CNOT6: variants seen among roughly 807,000 people sequenced by gnomAD.
CNOT6 encodes the protein CCR4-NOT transcription complex subunit 6.
CNOT6 carries 12 observed loss-of-function variants against 61.2 expected under a neutral mutation model. The observed-to-expected ratio is 0.20, with a 90% confidence interval of 0.13 to 0.32. The LOEUF (loss-of-function observed/expected upper bound fraction) is 0.32. Ranked by LOEUF, CNOT6 falls within the 10% of genes least tolerant of loss-of-function variation. The probability of loss-of-function intolerance (pLI) is 1.00; values close to 1 mark genes in which losing one functional copy is unlikely to be tolerated. For synonymous variants in CNOT6, 225 were observed against 240.6 expected (o/e 0.94, Z 0.60); for missense variants, 405 against 663.9 (o/e 0.61, Z 4.28).
intron 4 of CNOT6, among the ~76,000 whole-genome samples, chr5:180,558,318 G>A (rs957810395): frequency 1.3e-5 from 2 of 152,078 alleles, no homozygotes; most frequent in Admixed American, 1.3e-4. Flanking sequence ...AACTGGAGGC[G>A]TGATGAATGG....
chr5:180,531,070 G>A (rs1758342322), intron 2 of CNOT6, among the ~76,000 whole-genome samples: 1 of 152,144 alleles, frequency 6.6e-6, no homozygotes, highest in South Asian at 2.1e-4. Flanking sequence ...CGTTCTCAAT[G>A]AGCTGTTGGG....
At chr5:180,561,176 C>T (rs1760164345) in intron 4 of CNOT6, among the ~76,000 whole-genome samples, 1 of 152,190 alleles carries the variant, frequency 6.6e-6, no homozygotes, top group African/African-American at 2.4e-5. Context: ...TGGTCTCGAA[C>T]TCCTGGCCTC....
At chr5:180,507,822 T>C (rs551165839) in intron 1 of CNOT6, among the ~76,000 whole-genome samples, 9 of 151,900 alleles carry the variant, frequency 5.9e-5, no homozygotes, top group Admixed American at 5.9e-4. Flanking sequence ...TGGAGGAAGG[T>C]GAAGGGGAAG....
chr5:180,553,889 TA>T (rs983051183), intron 4 of CNOT6, among the ~76,000 whole-genome samples: 16 of 152,308 alleles, frequency 1.1e-4, no homozygotes, highest in African/African-American at 3.8e-4. Context: ...TAAGCATATT[TA>T]AAAAAACTTG....
chr5:180,527,927 A>G (rs957375371), intron 1 of CNOT6, among the ~76,000 whole-genome samples: 29 of 152,166 alleles, frequency 1.9e-4, no homozygotes, highest in Admixed American at 1.6e-3. Context: ...CGAGGGACCT[A>G]GGCTGTGCGT....
chr5:180,570,242 C>T (rs1760677229), intron 10 of CNOT6, among the ~76,000 whole-genome samples: 1 of 152,178 alleles, frequency 6.6e-6, no homozygotes, highest in Non-Finnish European at 1.5e-5. Flanking sequence ...CCTGTAATCC[C>T]AGCTACTCGG....
At chr5:180,539,836 G>C (rs376367895) in intron 2 of CNOT6, among the ~76,000 whole-genome samples, 156 of 151,890 alleles carry the variant, frequency 1.0e-3, no homozygotes, top group African/African-American at 3.6e-3. Context: ...TGATCCGCCC[G>C]CCTCGGCCTC....
intron 11 of CNOT6, 31 bp from the exon 12 acceptor site, chr5:180,573,957 G>T (rs751626486): frequency 6.9e-7 from 1 of 1,442,284 alleles, no homozygotes. Context: ...TGTCTTATAC[G>T]GTGCTTATCT....
At chr5:180,521,441 T>C (rs1285618843) in intron 1 of CNOT6, among the ~76,000 whole-genome samples, 1 of 152,250 alleles carries the variant, frequency 6.6e-6, no homozygotes, top group East Asian at 1.9e-4. Flanking sequence ...ACAGCCTAGA[T>C]TTTGAATTAC....
chr5:180,543,168 C>T (rs1759131250), intron 2 of CNOT6, among the ~76,000 whole-genome samples: 1 of 152,140 alleles, frequency 6.6e-6, no homozygotes, highest in Non-Finnish European at 1.5e-5. Context: ...ACACCATTCT[C>T]CTGCCTCAGC....
intron 1 of CNOT6, among the ~76,000 whole-genome samples, chr5:180,527,364 CT>C (rs1399282851): frequency 3.3e-5 from 5 of 152,058 alleles, no homozygotes; most frequent in Admixed American, 6.6e-5. Context: ...GATATTTGGT[CT>C]TTTGTCATCT....
intron 2 of CNOT6, among the ~76,000 whole-genome samples, chr5:180,547,397 G>A (rs557306390): frequency 6.6e-6 from 1 of 152,032 alleles, no homozygotes; most frequent in South Asian, 2.1e-4. Context: ...GCGGGCGCCT[G>A]TAATCCCAGC....
At chr5:180,497,637 A>T (rs1756673779) in intron 1 of CNOT6, among the ~76,000 whole-genome samples, 1 of 152,312 alleles carries the variant, frequency 6.6e-6, no homozygotes. Context: ...CTAAAAATGT[A>T]TGTTTTACTG....
chr5:180,563,657 T>C (rs1213986865), intron 4 of CNOT6, among the ~76,000 whole-genome samples: 2 of 152,216 alleles, frequency 1.3e-5, no homozygotes, highest in Non-Finnish European at 2.9e-5. Context: ...CTTTGACCAT[T>C]TTATCTGCCT....
chr5:180,562,859 T>A (rs774573619), intron 4 of CNOT6, among the ~76,000 whole-genome samples: 13 of 152,084 alleles, frequency 8.5e-5, no homozygotes, highest in Non-Finnish European at 1.9e-4. Context: ...TCACAAAGGG[T>A]CCTGATAAGC....
chr5:180,499,613 C>G (rs1756773181), intron 1 of CNOT6, among the ~76,000 whole-genome samples: 3 of 152,178 alleles, frequency 2.0e-5, no homozygotes, highest in Non-Finnish European at 2.9e-5. Flanking sequence ...AAATGACTTA[C>G]AAATGGGGTT....
intron 2 of CNOT6, among the ~76,000 whole-genome samples, chr5:180,544,018 A>G: frequency 6.6e-6 from 1 of 152,056 alleles, no homozygotes; most frequent in African/African-American, 2.4e-5. Flanking sequence ...TCACTGTGTT[A>G]GCCAGGATGG....
intron 1 of CNOT6, among the ~76,000 whole-genome samples, chr5:180,511,344 G>C (rs544550995): frequency 3.3e-5 from 5 of 151,952 alleles, no homozygotes; most frequent in Non-Finnish European, 7.4e-5. Context: ...AGGGGCGGTG[G>C]CTCACGCCTG....
At chr5:180,532,519 G>C (rs60034484) in intron 2 of CNOT6, among the ~76,000 whole-genome samples, 41,319 of 151,894 alleles carry the variant, frequency 0.27, 6,203 homozygotes, top group Middle Eastern at 0.41. Context: ...TTTTTTCTTT[G>C]CTCTCACACC....
Sources: gnomAD v4.1 joint callset for allele counts (sites outside exome capture counted in the v4.1 genomes callset) on GRCh38, gnomAD v4.1.1 for gene constraint, MANE v1.5 for transcripts, NCBI Gene and HGNC (gene_info 2026-07-23, HGNC 2026-07-21) for gene names.